Variants in COA7 observed in about 807,000 individuals in gnomAD.
COA7 encodes Sel1 repeat containing 1.
A neutral mutation model predicts 21.0 loss-of-function variants in COA7; 12 were observed. That is an observed-to-expected ratio of 0.57 (90% CI 0.37 to 0.92). The LOEUF is 0.92. COA7 is among the 40% of genes least tolerant of loss of function. The probability of loss-of-function intolerance (pLI) is 0.01; values close to 1 mark genes in which losing one functional copy is unlikely to be tolerated. For synonymous variants in COA7, 95 were observed against 107.4 expected (o/e 0.88, Z 0.72); for missense variants, 240 against 286.1 (o/e 0.84, Z 1.16).
chr1:52,685,003 AATTT>A lies in COA7; in HGVS notation c.*2713_*2716del, dbSNP rs1178679532. 1 of 152,194 alleles carries A rather than the reference AATTT, an allele frequency of 6.6e-6. No homozygotes were observed. The highest frequency in any genetic ancestry group is 2.4e-5 in the African/African-American group (1 of 41,446). The allele number at this position is 152,194 out of a possible 1,614,324, so 9.4% of individuals were successfully genotyped here. A position where few individuals can be genotyped will look rare whatever the true frequency, so the allele number is the denominator to read the frequency against. ...ACTGAATAATGACTACATGCACCAC[AATTT>A]ATTTACCCATTTACCTACTGAAAGA... is the stretch of plus-strand genomic sequence containing the variant. On this transcript the variant is annotated 3_prime_UTR_variant, in exon 3 of 3. Coordinates refer to ENST00000371538, the MANE Select transcript of COA7 (RefSeq NM_023077.3).
At chr1:52,697,617 G>C (rs1644093328) in intron 1 of COA7, among the ~76,000 whole-genome samples, 1 of 152,128 alleles carries the variant, frequency 6.6e-6, no homozygotes, top group African/African-American at 2.4e-5. Flanking sequence ...CTGTCGCCCA[G>C]GCTGGAGTGC....
intron 2 of COA7, among the ~76,000 whole-genome samples, chr1:52,689,158 T>C (rs1644026354): frequency 6.6e-6 from 1 of 151,154 alleles, no homozygotes. Context: ...ATTATTATTA[T>C]TATTTTTTTT....
At chr1:52,694,418 C>T (rs1186820993) in intron 1 of COA7, among the ~76,000 whole-genome samples, 1 of 149,156 alleles carries the variant, frequency 6.7e-6, no homozygotes. Flanking sequence ...CGAGATAGCG[C>T]CATTGCGCTC....
intron 1 of COA7, among the ~76,000 whole-genome samples, chr1:52,694,066 T>C (rs1644066647): frequency 6.6e-6 from 1 of 152,174 alleles, no homozygotes; most frequent in African/African-American, 2.4e-5. Flanking sequence ...AAATACTGTG[T>C]ACACATGGAC....
Position 52,688,313 on chromosome 1 carries a change from G to A in COA7, c.248-145C>T, listed in dbSNP as rs34987995. 0.082 allele frequency: 53,791 copies of A among 656,340 alleles called. 2,536 individuals are homozygous for A. The highest frequency in any genetic ancestry group is 0.16 in the South Asian group (7,897 of 50,466). 40.7% of individuals were successfully genotyped at this position (656,340 alleles called of 1,614,324 possible). On this transcript the variant is annotated intron_variant, in intron 2 of 2. Coordinates refer to ENST00000371538, the MANE Select transcript of COA7 (RefSeq NM_023077.3). The stretch of plus-strand genomic sequence containing the variant: ...GGCTGGAGTGCACTGGCATGATCAC[G>A]GCTCACTGCAGCCTCAACCTCCGGC...
Position 52,685,363 on chromosome 1 carries a change from T to A in COA7, c.*2357A>T, listed in dbSNP as rs1367784623. 1 of 152,252 alleles carries A rather than the reference T, an allele frequency of 6.6e-6. No individual in the cohort carries two copies. Among genetic ancestry groups the A allele is most frequent in the Non-Finnish European group, 1.5e-5 (1 of 68,044 alleles). The allele number at this position is 152,252 out of a possible 1,614,324, so 9.4% of individuals were successfully genotyped here. The stretch of plus-strand genomic sequence containing the variant: ...TAACTTGCATTTTCCTGATGACATG[T>A]TATATGGAACATCTTTTCATATGCT... On this transcript the variant is annotated 3_prime_UTR_variant, in exon 3 of 3. Transcript: ENST00000371538.
In COA7 at chr1:52,687,682, TCAAG is replaced by T; in HGVS notation, c.*34_*37del. On this transcript the variant is annotated 3_prime_UTR_variant, in exon 3 of 3. Transcript: ENST00000371538. ...TCTTCAGAAACAGGAGCTGCCAGCC[TCAAG>T]CAGTTTGTTGCCTGGGAGGGAGGGT... The T allele has an allele frequency of 1.9e-6, 3 of 1,588,766 alleles. No individual in the cohort carries two copies. Among genetic ancestry groups the T allele is most frequent in the Non-Finnish European group, 2.6e-6 (3 of 1,162,860 alleles).
chr1:52,691,413 C>CA (rs745896369), intron 2 of COA7, among the ~76,000 whole-genome samples: 1,926 of 74,356 alleles, frequency 0.026, 21 homozygotes, highest in African/African-American at 0.044. Flanking sequence ...GATCCTGTCA[C>CA]AAAAAAAAAA....
intron 2 of COA7, 129 bp from the exon 3 acceptor site, chr1:52,688,297 G>T: frequency 1.4e-6 from 1 of 710,212 alleles, no homozygotes; most frequent in Non-Finnish European, 2.3e-6. Flanking sequence ...AGGCTGGAGT[G>T]CACTGGCATG....
chr1:52,694,461 G>GGAAAAAAAAAAAAAAAA (rs751466526), intron 1 of COA7, among the ~76,000 whole-genome samples: 2 of 65,000 alleles, frequency 3.1e-5, no homozygotes, highest in Non-Finnish European at 3.1e-5. Flanking sequence ...ACTCCATCTC[G>GGAAAAAAAAAAAAAAAA]AAAAAAAAAA....
intron 2 of COA7, among the ~76,000 whole-genome samples, chr1:52,690,607 C>T (rs560165812): frequency 1.8e-4 from 28 of 152,128 alleles, no homozygotes; most frequent in African/African-American, 6.3e-4. Flanking sequence ...GCCACTAGGG[C>T]TATCAAGAGT....
intron 1 of COA7, among the ~76,000 whole-genome samples, chr1:52,694,461 G>GGAAAAAAAAAAAAAAAAAAAAA (rs751466526): frequency 1.5e-5 from 1 of 65,000 alleles, no homozygotes; most frequent in African/African-American, 5.5e-5. Flanking sequence ...ACTCCATCTC[G>GGAAAAAAAAAAAAAAAAAAAAA]AAAAAAAAAA....
rs7528624 is a variant in COA7 at position 52,687,176 on chromosome 1, A to G, written c.*544T>C. ...CAAAACGAAGCCCACACCAATGATTATGTAAGTCAGAGGGTGGTAGTTGTG... is the reference window on the plus strand; with the variant it reads ...CAAAACGAAGCCCACACCAATGATTGTGTAAGTCAGAGGGTGGTAGTTGTG... On this transcript the variant is annotated 3_prime_UTR_variant, in exon 3 of 3. Coordinates refer to ENST00000371538, the MANE Select transcript of COA7 (RefSeq NM_023077.3). 0.013 allele frequency: 2,091 copies of G among 156,348 alleles called. 45 individuals are homozygous for G. The highest frequency in any genetic ancestry group is 0.048 in the African/African-American group (2,002 of 41,560). The allele number at this position is 156,348 out of a possible 1,614,324, so 9.7% of individuals were successfully genotyped here.
At position 52,687,031 on chromosome 1, in the gene COA7, G is replaced by A. The variant is rs1644011022; in HGVS notation, c.*689C>T. ...TTTTTAACTGCCAATGTCTCTTCTA[G>A]ACGATGGCAGGCTGATGTTTCATCT... is the stretch of plus-strand genomic sequence containing the variant. On this transcript the variant is annotated 3_prime_UTR_variant, in exon 3 of 3. Coordinates refer to ENST00000371538, the MANE Select transcript of COA7 (RefSeq NM_023077.3). 2 of 152,366 alleles carry A rather than the reference G, an allele frequency of 1.3e-5. No homozygotes were observed. Among genetic ancestry groups the A allele is most frequent in the African/African-American group, 4.8e-5 (2 of 41,446 alleles). The allele number at this position is 152,366 out of a possible 1,614,324, so 9.4% of individuals were successfully genotyped here. A position where few individuals can be genotyped will look rare whatever the true frequency, so the allele number is the denominator to read the frequency against.
intron 2 of COA7, 68 bp from the exon 3 acceptor site, chr1:52,688,236 G>C: frequency 7.8e-7 from 1 of 1,284,824 alleles, no homozygotes. Context: ...TCAGGCCAAA[G>C]TCAGTGAATT....
chr1:52,687,731 T>C lies in COA7; in HGVS notation c.685A>G (p.Thr229Ala), dbSNP rs781443573. 7 of 1,614,016 alleles carry C rather than the reference T, an allele frequency of 4.3e-6. No homozygotes were observed. The South Asian group carries it at 5.5e-5, about 13-fold the overall frequency. ...GAGGGTGGACCACATTACCCAAATG[T>C]TAAGGGTTGGACACCTTTCTGCTGT... The part of the protein sequence containing the change: ...KEQQKGVQPL[T>A]FG The change falls in exon 3 of 3, where the codon ACA becomes GCA. Residue 229 changes from threonine to alanine, a missense_variant. By Grantham distance (58) the Thr-to-Ala change is moderately conservative (BLOSUM62 0). Around this residue, in one of 3 missense-constraint regions of COA7, gnomAD observed 163 missense variants for 214.1 expected, o/e 0.76. Transcript: ENST00000371538.
At position 52,690,039 on chromosome 1, in the gene COA7, A is replaced by AG. The variant is rs1171400015; in HGVS notation, c.248-1872dup. Among the ~76,000 whole-genome samples, 148 of 68,656 alleles carry AG rather than the reference A, an allele frequency of 2.2e-3. No individual in the cohort carries two copies. In the East Asian group the frequency reaches 0.024, roughly 11 times the overall value. The allele number at this position is 68,656 out of a possible 152,430, so 45.0% of individuals were successfully genotyped here. ...ATAACTCTGTCTCAAAAAAAAAAAA[A>AG]GAAAAAAAAAAAAAAGATGATTTTA... is the stretch of plus-strand genomic sequence containing the variant. On this transcript the variant is annotated intron_variant, in intron 2 of 2. Coordinates refer to ENST00000371538, the MANE Select transcript of COA7 (RefSeq NM_023077.3).
chr1:52,689,768 G>C (rs541855597), intron 2 of COA7, among the ~76,000 whole-genome samples: 1 of 151,950 alleles, frequency 6.6e-6, no homozygotes, highest in East Asian at 2.0e-4. Flanking sequence ...GCTTACGCCT[G>C]TAATCCCAGC....
intron 1 of COA7, among the ~76,000 whole-genome samples, chr1:52,697,396 G>A (rs781618053): frequency 3.0e-4 from 45 of 152,256 alleles, no homozygotes; most frequent in Middle Eastern, 6.8e-3. Context: ...GATTCAGGGC[G>A]TCTTCGCCAG....
Sources: gnomAD v4.1 joint callset for allele counts (sites outside exome capture counted in the v4.1 genomes callset) on GRCh38, gnomAD v4.1.1 for gene constraint, gnomAD v4.1.1 regional missense constraint, MANE v1.5 for transcripts, NCBI Gene and HGNC (gene_info 2026-07-23, HGNC 2026-07-21) for gene names.